INPP5B: variants seen among roughly 807,000 people sequenced by gnomAD.
INPP5B encodes the protein inositol polyphosphate-5-phosphatase B.
INPP5B carries 90 observed loss-of-function variants against 118.5 expected under a neutral mutation model. That is an observed-to-expected ratio of 0.76 (90% CI 0.64 to 0.90). The LOEUF (loss-of-function observed/expected upper bound fraction) is 0.90. Among genes scored for constraint, INPP5B ranks in the 40% least tolerant of loss-of-function variants. The pLI is 0.00. For synonymous variants in INPP5B, 385 were observed against 418.9 expected (o/e 0.92, Z 0.99); for missense variants, 984 against 1,125.6 (o/e 0.87, Z 1.80).
At chr1:37,880,028 T>G (rs1362787476) in intron 15 of INPP5B, 57 bp downstream of exon 15, 2 of 1,160,412 alleles carry the variant, frequency 1.7e-6, no homozygotes, top group East Asian at 2.4e-5. Flanking sequence ...GGGCAAGTAC[T>G]TCCCAGAATT....
intron 14 of INPP5B, among the ~76,000 whole-genome samples, chr1:37,880,461 G>A (rs541143995): frequency 4.2e-4 from 56 of 134,460 alleles, no homozygotes; most frequent in Admixed American, 7.5e-4. Flanking sequence ...ATTTTGAGAC[G>A]GAGTCTCGCT....
At chr1:37,903,367 C>T (rs939016927) in intron 7 of INPP5B, among the ~76,000 whole-genome samples, 1 of 152,146 alleles carries the variant, frequency 6.6e-6, no homozygotes, top group Non-Finnish European at 1.5e-5. Context: ...AGGAACTTAC[C>T]CTATATGGTC....
chr1:37,870,808 T>A (rs1458820660), intron 19 of INPP5B: 1 of 152,258 alleles, frequency 6.6e-6, no homozygotes, highest in Non-Finnish European at 1.5e-5. Context: ...ATACTATAAG[T>A]GAACTACTGA....
intron 7 of INPP5B, among the ~76,000 whole-genome samples, chr1:37,893,512 T>C (rs1478272370): frequency 6.6e-6 from 1 of 152,096 alleles, no homozygotes; most frequent in Non-Finnish European, 1.5e-5. Flanking sequence ...AACCAATATA[T>C]TCCTATCCCC....
intron 7 of INPP5B, among the ~76,000 whole-genome samples, chr1:37,922,074 C>A (rs1447976836): frequency 1.3e-5 from 2 of 152,098 alleles, no homozygotes; most frequent in Middle Eastern, 3.4e-3. Context: ...TGGTGGCAGA[C>A]ACCTGTAGTC....
Position 37,931,950 on chromosome 1 carries a change from G to T in INPP5B, c.495C>A (p.Ala165=). Residue 165 remains alanine, a synonymous_variant, in exon 7 of 24, where the codon GCC becomes GCA. Coordinates refer to ENST00000373024, the MANE Select transcript of INPP5B (RefSeq NM_005540.3). The part of the protein sequence containing the change: ...EMPTPRGCNS[A]LVTWPGYATI... The stretch of plus-strand genomic sequence containing the variant: ...TCGCGTACCCTGGCCAGGTAACTAG[G>T]GCCGAGTTACAACCGCGCGGCGTTG... 3.7e-6 allele frequency: 6 copies of T among 1,614,028 alleles called. No individual in the cohort carries two copies. Among genetic ancestry groups the T allele is most frequent in the Non-Finnish European group, 5.1e-6 (6 of 1,180,026 alleles).
intron 7 of INPP5B, among the ~76,000 whole-genome samples, chr1:37,896,028 G>A (rs1644035340): frequency 1.3e-5 from 2 of 151,130 alleles, no homozygotes; most frequent in Non-Finnish European, 3.0e-5. Flanking sequence ...GGAAAGTGAG[G>A]AGCGTCTCTG....
chr1:37,864,543 TG>T (rs1641912739), intron 22 of INPP5B, 120 bp from the exon 23 acceptor site: 1 of 580,924 alleles, frequency 1.7e-6, no homozygotes, highest in Admixed American at 3.4e-5. Context: ...CACAGAAAAC[TG>T]GTTGCTTACC....
intron 7 of INPP5B, among the ~76,000 whole-genome samples, chr1:37,911,315 CA>C (rs1207147788): frequency 6.6e-5 from 10 of 152,186 alleles, no homozygotes; most frequent in Non-Finnish European, 2.9e-5. Flanking sequence ...GAGTCTCCCA[CA>C]GTTACTATTG....
chr1:37,865,280 T>A (rs991398449), intron 22 of INPP5B, among the ~76,000 whole-genome samples: 1 of 152,164 alleles, frequency 6.6e-6, no homozygotes, highest in African/African-American at 2.4e-5. Context: ...GCCTGTTGTA[T>A]GTGTGAACCA....
Position 37,943,786 on chromosome 1 carries a change from C to G in INPP5B, c.250+10G>C, listed in dbSNP as rs1557735172. 11 of 1,613,444 alleles carry G rather than the reference C, an allele frequency of 6.8e-6. No individual in the cohort carries two copies. The highest frequency in any genetic ancestry group is 8.5e-6 in the Non-Finnish European group (10 of 1,179,510). On this transcript the variant is annotated intron_variant, in intron 4 of 23. Transcript: ENST00000373024. ...GGAGAGGATTCATACCACCCAGCCC[C>G]CTGTGGCACCTTCTTCCAGCGTAAA...
intron 7 of INPP5B, chr1:37,931,688 C>G (rs758776852): frequency 6.5e-7 from 1 of 1,528,304 alleles, no homozygotes; most frequent in African/African-American, 1.4e-5. Context: ...GTGTTGCGCT[C>G]CCGAGAGCCG....
At chr1:37,919,818 C>T (rs1396688897) in intron 7 of INPP5B, among the ~76,000 whole-genome samples, 4 of 152,060 alleles carry the variant, frequency 2.6e-5, no homozygotes, top group Non-Finnish European at 4.4e-5. Flanking sequence ...TGGCAGGCGC[C>T]TATAATCCCA....
intron 7 of INPP5B, among the ~76,000 whole-genome samples, chr1:37,920,128 C>CAGT (rs1300422801): frequency 4.6e-5 from 7 of 152,148 alleles, no homozygotes; most frequent in Admixed American, 2.0e-4. Flanking sequence ...CAAGAGCACA[C>CAGT]AGTAGTAAAT....
chr1:37,878,112 A>G, intron 16 of INPP5B, 76 bp downstream of exon 16: 1 of 1,526,306 alleles, frequency 6.6e-7, no homozygotes, highest in Admixed American at 1.9e-5. Flanking sequence ...AAGAAACCAG[A>G]AAGACAAGAA....
chr1:37,880,259 G>T, intron 14 of INPP5B, 65 bp from the exon 15 acceptor site: 1 of 1,171,900 alleles, frequency 8.5e-7, no homozygotes, highest in Non-Finnish European at 1.3e-6. Context: ...AATTAGTGGA[G>T]AAAAGCATAT....
intron 6 of INPP5B, among the ~76,000 whole-genome samples, chr1:37,939,558 C>T (rs1364524858): frequency 6.6e-6 from 1 of 151,194 alleles, no homozygotes; most frequent in African/African-American, 2.4e-5. Context: ...CATTCTCCAG[C>T]CTCAGCCTCC....
chr1:37,922,889 G>A (rs1002089323), intron 7 of INPP5B, among the ~76,000 whole-genome samples: 2 of 152,146 alleles, frequency 1.3e-5, no homozygotes, highest in South Asian at 2.1e-4. Flanking sequence ...ATTACTTTAC[G>A]GCAACAGGTT....
chr1:37,881,710 T>C (rs954807353), intron 14 of INPP5B, among the ~76,000 whole-genome samples: 3 of 151,834 alleles, frequency 2.0e-5, no homozygotes, highest in Non-Finnish European at 1.5e-5. Context: ...ACAAGAGAAA[T>C]TAGAATGCCT....
Sources: allele counts gnomAD v4.1 joint callset (sites outside exome capture counted in the v4.1 genomes callset), GRCh38; gene constraint gnomAD v4.1.1; transcripts MANE v1.5; gene names NCBI Gene and HGNC (gene_info 2026-07-23, HGNC 2026-07-21).